The following ZEB1 variants were observed in gnomAD, a reference collection of about 807,000 sequenced individuals.
ZEB1 encodes the protein zinc finger E-box-binding homeobox 1.
ZEB1 carries 21 observed loss-of-function variants against 84.9 expected under a neutral mutation model. The observed-to-expected ratio is 0.25, with a 90% CI of 0.18 to 0.36. The LOEUF (loss-of-function observed/expected upper bound fraction) is 0.36. Ranked by LOEUF, ZEB1 falls within the 10% of genes least tolerant of loss-of-function variation. The pLI is 1.00. For synonymous variants in ZEB1, 420 were observed against 471.1 expected (o/e 0.89, Z 1.41); for missense variants, 1,104 against 1,330.2 (o/e 0.83, Z 2.65).
In ZEB1 at chr10:31,514,653, T is replaced by C; in HGVS notation, c.738T>C (p.Cys246=). 1 of 1,612,872 alleles carries C rather than the reference T, an allele frequency of 6.2e-7. No individual in the cohort carries two copies. The highest frequency in any genetic ancestry group is 8.5e-7 in the Non-Finnish European group (1 of 1,179,136). Residue 246 remains cysteine (C), a synonymous_variant, in exon 6 of 9, where the codon TGT becomes TGC. Coordinates refer to ENST00000424869, the MANE Select transcript of ZEB1 (RefSeq NM_001174096.2). ...GCNRKFKCTE[C]GKAFKYKHHL... ...ATCGTAAATTCAAATGCACTGAGTG[T>C]GGAAAAGCTTTCAAATACAAACATC...
At chr10:31,455,316 G>GT (rs1564934487) in intron 1 of ZEB1, among the ~76,000 whole-genome samples, 1 of 152,124 alleles carries the variant, frequency 6.6e-6, no homozygotes, top group African/African-American at 2.4e-5. Flanking sequence ...AACCCTAGAA[G>GT]AAAACCTGAG....
intron 8 of ZEB1, among the ~76,000 whole-genome samples, chr10:31,524,314 G>T (rs905389680): frequency 6.6e-6 from 1 of 151,904 alleles, no homozygotes; most frequent in Non-Finnish European, 1.5e-5. Flanking sequence ...CGCCTCCCGG[G>T]CTCAAGCCAT....
intron 1 of ZEB1, among the ~76,000 whole-genome samples, chr10:31,401,142 G>T (rs1230304049): frequency 6.6e-6 from 1 of 152,124 alleles, no homozygotes; most frequent in Non-Finnish European, 1.5e-5. Flanking sequence ...CCCAGAATTA[G>T]ATTGGGCAAT....
chr10:31,501,449 A>G (rs2068109851), intron 3 of ZEB1, among the ~76,000 whole-genome samples: 1 of 152,240 alleles, frequency 6.6e-6, no homozygotes, highest in Non-Finnish European at 1.5e-5. Flanking sequence ...CTTGTTTTAT[A>G]TGAATACTAG....
At chr10:31,431,304 C>G (rs537399695) in intron 1 of ZEB1, among the ~76,000 whole-genome samples, 4 of 152,254 alleles carry the variant, frequency 2.6e-5, no homozygotes, top group South Asian at 4.1e-4. Context: ...GGGAGCATTG[C>G]CTTAAACTAA....
chr10:31,327,608 G>A (rs527814839), intron 1 of ZEB1, among the ~76,000 whole-genome samples: 1 of 152,136 alleles, frequency 6.6e-6, no homozygotes, highest in East Asian at 1.9e-4. Context: ...ATCCTCCTAC[G>A]TGTTGCTAAT....
At chr10:31,499,847 G>A (rs1333039010) in intron 3 of ZEB1, among the ~76,000 whole-genome samples, 1 of 151,972 alleles carries the variant, frequency 6.6e-6, no homozygotes, top group Non-Finnish European at 1.5e-5. Flanking sequence ...AAGTAGTAAA[G>A]TCAAGATTAA....
chr10:31,487,955 C>T (rs1046037747), intron 2 of ZEB1, among the ~76,000 whole-genome samples: 1 of 151,196 alleles, frequency 6.6e-6, no homozygotes, highest in Non-Finnish European at 1.5e-5. Context: ...GCTTTATTCT[C>T]TGAAAAGCCT....
chr10:31,493,323 A>G (rs758693396), intron 2 of ZEB1, among the ~76,000 whole-genome samples: 13 of 151,920 alleles, frequency 8.6e-5, no homozygotes, highest in Non-Finnish European at 4.4e-5. Flanking sequence ...GTAATATTTC[A>G]TGACTTATTT....
rs548808093 is a variant in ZEB1 at position 31,392,005 on chromosome 10, A to G, written c.59-69032A>G. 6.9e-4 allele frequency among the ~76,000 whole-genome samples: 105 copies of G among 152,320 alleles called. 2 individuals carry two copies. The South Asian group carries it at 0.022, about 32-fold the overall frequency. ...TTAACTTATCTTCATTTGAAATTTA[A>G]TACTTGTGAAAATTAAAGTTTATTT... On this transcript the variant is annotated intron_variant, in intron 1 of 8. Coordinates refer to ENST00000424869, the MANE Select transcript of ZEB1 (RefSeq NM_001174096.2).
At chr10:31,322,578 C>T (rs1373476625) in intron 1 of ZEB1, among the ~76,000 whole-genome samples, 1 of 152,016 alleles carries the variant, frequency 6.6e-6, no homozygotes, top group African/African-American at 2.4e-5. Context: ...AAGGTTTGGC[C>T]AAAGCATCAA....
intron 1 of ZEB1, among the ~76,000 whole-genome samples, chr10:31,435,431 G>C (rs1457984855): frequency 1.3e-5 from 2 of 152,194 alleles, no homozygotes; most frequent in Non-Finnish European, 2.9e-5. Flanking sequence ...CAGAGTAAAA[G>C]AAAGTAAACA....
chr10:31,442,172 T>A (rs1346181340), intron 1 of ZEB1, among the ~76,000 whole-genome samples: 1 of 152,202 alleles, frequency 6.6e-6, no homozygotes, highest in Non-Finnish European at 1.5e-5. Context: ...TGTCCATCAG[T>A]GATAGACTGG....
intron 1 of ZEB1, among the ~76,000 whole-genome samples, chr10:31,418,739 A>G (rs2055642098): frequency 6.6e-6 from 1 of 151,952 alleles, no homozygotes; most frequent in Non-Finnish European, 1.5e-5. Context: ...AATAGGTTTC[A>G]CCCTTTGTGA....
intron 2 of ZEB1, among the ~76,000 whole-genome samples, chr10:31,494,664 A>C (rs1394616433): frequency 2.0e-5 from 3 of 152,050 alleles, no homozygotes; most frequent in Non-Finnish European, 1.5e-5. Context: ...GATCATAATT[A>C]TGACATATAC....
chr10:31,375,046 TACACACACACACACACACACACAC>T (rs146271736), intron 1 of ZEB1: 9 of 132,314 alleles, frequency 6.8e-5, no homozygotes, highest in African/African-American at 1.1e-4. Context: ...ATGTTTTTCA[TACACACACACACACACACACACAC>T]ACACACACAC....
intron 1 of ZEB1, among the ~76,000 whole-genome samples, chr10:31,388,226 A>AT (rs1455837431): frequency 6.6e-6 from 1 of 152,170 alleles, no homozygotes; most frequent in Non-Finnish European, 1.5e-5. Context: ...TTAGATTGTA[A>AT]TTCCCAGTAT....
In ZEB1 at chr10:31,520,268, T is replaced by G. The variant is rs756298280; in HGVS notation, c.936T>G (p.Cys312Trp). 2 of 1,613,984 alleles carry G rather than the reference T, an allele frequency of 1.2e-6. No individual in the cohort carries two copies. Among genetic ancestry groups the G allele is most frequent in the Admixed American group, 1.7e-5 (1 of 59,992 alleles). ...GAACAGGACTCAAGACATCTCAGTG[T>G]TCTTCACCGTCTCTTTCAGCATCAC... ...RPRTGLKTSQ[C>W]SSPSLSASPG... The change falls in exon 7 of 9, where the codon TGT becomes TGG. Residue 312 changes from cysteine (C) to tryptophan (W), a missense_variant. Around this residue, in one of 7 missense-constraint regions of ZEB1, gnomAD observed 111 missense variants for 161.8 expected, o/e 0.69. Transcript: ENST00000424869. This position sits in a 1 kb window ranked among gnomAD's most constrained non-coding sequence, Gnocchi z 5.1.
intron 2 of ZEB1, among the ~76,000 whole-genome samples, chr10:31,471,180 A>G (rs1047619881): frequency 1.6e-5 from 2 of 124,438 alleles, no homozygotes; most frequent in Non-Finnish European, 3.4e-5. Flanking sequence ...ACCTGCTAAC[A>G]TCATAATGAC....
Sources: gnomAD v4.1 joint callset for allele counts (sites outside exome capture counted in the v4.1 genomes callset) on GRCh38, gnomAD v4.1.1 for gene constraint, gnomAD v4.1.1 regional missense constraint, Gnocchi (gnomAD v3.1) non-coding constraint, MANE v1.5 for transcripts, NCBI Gene and HGNC (gene_info 2026-07-23, HGNC 2026-07-21) for gene names.